The following DMD variants were observed in gnomAD, a reference collection of about 807,000 sequenced individuals.
The protein encoded by DMD is mutant dystrophin.
DMD carries 63 observed loss-of-function variants against 330.1 expected under a neutral mutation model. The ratio of observed to expected loss-of-function variants is 0.19; its 90% CI spans 0.16 to 0.24. The LOEUF is 0.24. Ranked by LOEUF, DMD falls within the 10% of genes least tolerant of loss-of-function variation. DMD has a pLI of 1.00. For missense variants in DMD, 3,344 were observed against 2,684.1 expected (o/e 1.25, Z -5.43); for synonymous variants, 1,223 against 959.8 (o/e 1.27, Z -5.07).
chrX:31,372,143 C>T (rs976651086), intron 60 of DMD, among the ~76,000 whole-genome samples: 2 of 111,493 alleles, frequency 1.8e-5, no homozygotes, highest in African/African-American at 6.5e-5. Context: ...GGGGCAGAGA[C>T]TATCGCTTAT....
At chrX:31,660,008 A>G (rs2081036941) in intron 53 of DMD, among the ~76,000 whole-genome samples, 1 of 112,230 alleles carries the variant, frequency 8.9e-6, no homozygotes, top group Non-Finnish European at 1.9e-5. Flanking sequence ...CTCCTATTGA[A>G]CATATACAAT....
chrX:31,483,682 G>T (rs777269029), intron 57 of DMD, among the ~76,000 whole-genome samples: 20 of 112,301 alleles, frequency 1.8e-4, no homozygotes, highest in African/African-American at 6.5e-4. Flanking sequence ...AAAGTGGATG[G>T]AAGAGAGGGT....
At chrX:32,674,127 G>C (rs757874970) in intron 9 of DMD, among the ~76,000 whole-genome samples, 17 of 111,884 alleles carry the variant, frequency 1.5e-4, no homozygotes, top group African/African-American at 5.2e-4. Flanking sequence ...AAAATCACCA[G>C]GAAGGCTCTG....
chrX:32,151,491 T>C (rs1183253904), intron 44 of DMD: 1 of 111,828 alleles, frequency 8.9e-6, no homozygotes, highest in African/African-American at 3.3e-5. Flanking sequence ...TATGTTTCTC[T>C]AGGCATTCTT....
intron 29 of DMD, among the ~76,000 whole-genome samples, chrX:32,414,525 C>G: frequency 8.9e-6 from 1 of 112,083 alleles, no homozygotes; most frequent in Non-Finnish European, 1.9e-5. Flanking sequence ...AGACTATCAA[C>G]TCTAATGAGT....
At chrX:31,591,186 C>T (rs960588073) in intron 55 of DMD, among the ~76,000 whole-genome samples, 15 of 111,779 alleles carry the variant, frequency 1.3e-4, no homozygotes, top group African/African-American at 4.5e-4. Flanking sequence ...AAATTAATTT[C>T]ACTTCTTTAT....
chrX:31,719,737 A>C (rs1323633167), intron 52 of DMD, among the ~76,000 whole-genome samples: 1 of 111,118 alleles, frequency 9.0e-6, no homozygotes, highest in African/African-American at 3.3e-5. Flanking sequence ...TCAGGGCAAA[A>C]CTCATAGGTT....
At chrX:32,176,303 C>T (rs757528141) in intron 44 of DMD, among the ~76,000 whole-genome samples, 3 of 112,024 alleles carry the variant, frequency 2.7e-5, no homozygotes, top group African/African-American at 6.5e-5. Flanking sequence ...CATGAGCACA[C>T]GGGACCTATG....
chrX:31,212,639 T>A (rs1412131610), intron 64 of DMD, among the ~76,000 whole-genome samples: 1 of 111,911 alleles, frequency 8.9e-6, no homozygotes, highest in East Asian at 2.8e-4. Context: ...TTTTGTCTTT[T>A]ACAGAGTGAT....
At position 32,023,241 on chromosome X, in the gene DMD, A is replaced by G. The variant is rs913621242; in HGVS notation, c.6439-54727T>C. Among the ~76,000 whole-genome samples the G allele has an allele frequency of 5.4e-5, 6 of 111,682 alleles. No individual in the cohort carries two copies. The Admixed American group carries it at 5.7e-4, about 11-fold the overall frequency. The stretch of plus-strand genomic sequence containing the variant: ...TATAATAACTATGCTATCACTTTGA[A>G]GGATTCCTAGGAGCATTAAATGTAG... On this transcript the variant is annotated intron_variant, in intron 44 of 78. Coordinates refer to ENST00000357033, the MANE Select transcript of DMD (RefSeq NM_004006.3).
At chrX:32,367,219 C>G (rs1438214876) in intron 34 of DMD, among the ~76,000 whole-genome samples, 1 of 111,715 alleles carries the variant, frequency 9.0e-6, no homozygotes, top group African/African-American at 3.3e-5. Context: ...TTGTAGTATA[C>G]AACCTCTACA....
intron 7 of DMD, among the ~76,000 whole-genome samples, chrX:32,729,014 C>A (rs1028005127): frequency 9.8e-5 from 11 of 112,080 alleles, no homozygotes; most frequent in African/African-American, 3.6e-4. Context: ...AAGAAGTCAG[C>A]AGATACTTTT....
At chrX:32,552,661 G>A (rs971855017) in intron 16 of DMD, among the ~76,000 whole-genome samples, 10 of 111,927 alleles carry the variant, frequency 8.9e-5, no homozygotes, top group Non-Finnish European at 1.9e-4. Flanking sequence ...GAAAAATTTT[G>A]CAAACTTTCC....
At chrX:31,673,645 G>C (rs2081932940) in intron 53 of DMD, among the ~76,000 whole-genome samples, 1 of 111,529 alleles carries the variant, frequency 9.0e-6, no homozygotes, top group Admixed American at 9.5e-5. Flanking sequence ...AAAAAGAAAA[G>C]ATGATTTCGA....
chrX:33,148,560 G>A (rs906092997), intron 1 of DMD, among the ~76,000 whole-genome samples: 1 of 111,792 alleles, frequency 8.9e-6, no homozygotes, highest in Non-Finnish European at 1.9e-5. Context: ...AGATATTAAA[G>A]TAAATTCATT....
chrX:31,964,828 A>C (rs2150168376), intron 45 of DMD, among the ~76,000 whole-genome samples: 1 of 111,561 alleles, frequency 9.0e-6, no homozygotes, highest in Non-Finnish European at 1.9e-5. Context: ...GAAAAAATTC[A>C]AAATTATTTT....
intron 54 of DMD, among the ~76,000 whole-genome samples, chrX:31,652,482 G>C (rs968379876): frequency 8.9e-6 from 1 of 111,859 alleles, no homozygotes; most frequent in Non-Finnish European, 1.9e-5. Context: ...TCATACAAAA[G>C]TATTTGTTGA....
chrX:32,165,733 C>T (rs754036258), intron 44 of DMD, among the ~76,000 whole-genome samples: 2 of 111,626 alleles, frequency 1.8e-5, no homozygotes, highest in Non-Finnish European at 1.9e-5. Context: ...TGTGTCCCCA[C>T]CCAAATCTCA....
At chrX:31,864,804 T>G (rs2093771051) in intron 48 of DMD, among the ~76,000 whole-genome samples, 1 of 111,997 alleles carries the variant, frequency 8.9e-6, no homozygotes, top group African/African-American at 3.2e-5. Context: ...AGCCTAATTT[T>G]TATTGTTAGT....
Sources: allele counts gnomAD v4.1 joint callset (sites outside exome capture counted in the v4.1 genomes callset), GRCh38; gene constraint gnomAD v4.1.1; transcripts MANE v1.5; gene names NCBI Gene and HGNC (gene_info 2026-07-23, HGNC 2026-07-21).